The following LRP5 variants were observed in gnomAD, a reference collection of about 807,000 sequenced individuals.
The protein encoded by LRP5 is low-density lipoprotein receptor-related protein 5.
A neutral mutation model predicts 154.1 loss-of-function variants in LRP5; 62 were observed. That is an observed-to-expected ratio of 0.40 (90% CI 0.33 to 0.50). The LOEUF (loss-of-function observed/expected upper bound fraction) is 0.50. Among genes scored for constraint, LRP5 ranks in the 20% least tolerant of loss-of-function variants. LRP5 has a pLI of 0.55. For synonymous variants in LRP5, 966 were observed against 1,011.5 expected (o/e 0.96, Z 0.85); for missense variants, 1,915 against 2,336.7 (o/e 0.82, Z 3.72).
In LRP5 at chr11:68,413,779, T is replaced by C. The variant is rs1165193843; in HGVS notation, c.2594T>C (p.Leu865Pro). 6.2e-7 allele frequency: 1 copy of C among 1,613,210 alleles called. No individual in the cohort carries two copies. The highest frequency in any genetic ancestry group is 8.5e-7 in the Non-Finnish European group (1 of 1,179,544). The change falls in exon 12 of 23, where the codon CTG becomes CCG. Residue 865 changes from leucine to proline, a missense_variant. Coordinates refer to ENST00000294304, the MANE Select transcript of LRP5 (RefSeq NM_002335.4). The surrounding 1 kb of genome is among the most constrained non-coding windows in gnomAD (Gnocchi z 5.1). ...SDYIYWTDWNLHSIERADKTS... is the reference protein window; with the variant it reads ...SDYIYWTDWNPHSIERADKTS... ...TATATCTACTGGACAGACTGGAATC[T>C]GCACAGCATTGAGCGGGCCGACAAG...
intron 21 of LRP5, among the ~76,000 whole-genome samples, chr11:68,443,438 C>G (rs1415211594): frequency 7.4e-6 from 1 of 134,480 alleles, no homozygotes; most frequent in Non-Finnish European, 1.6e-5. Flanking sequence ...TGCAGTGAGC[C>G]GAGATCGCGC....
chr11:68,431,927 C>G (rs568480723), intron 17 of LRP5, among the ~76,000 whole-genome samples: 28 of 152,316 alleles, frequency 1.8e-4, no homozygotes, highest in Admixed American at 5.9e-4. Flanking sequence ...CCTCACGGCT[C>G]GAGAGACGTG....
intron 1 of LRP5, among the ~76,000 whole-genome samples, chr11:68,339,538 G>A (rs2098607679): frequency 6.6e-6 from 1 of 151,970 alleles, no homozygotes; most frequent in Admixed American, 6.6e-5. Context: ...AGTAGAGATG[G>A]GGTTTCACCG....
rs76634040 is a variant in LRP5, at chr11:68,413,379, G to A, written c.2504-310G>A. 5.9e-5 allele frequency among the ~76,000 whole-genome samples: 9 copies of A among 152,324 alleles called. No individual in the cohort carries two copies. The South Asian group carries it at 1.5e-3, about 25-fold the overall frequency. On this transcript the variant is annotated intron_variant, in intron 11 of 22. Transcript: ENST00000294304. This position sits in a 1 kb window ranked among gnomAD's most constrained non-coding sequence, Gnocchi z 5.1. ...ATAACATGGAAGGCCTGGTCTCATT[G>A]CTGTGGGAGTGAAGGATGCACAGCC...
At chr11:68,403,368 T>G in intron 7 of LRP5, 115 bp from the exon 8 acceptor site, 1 of 854,000 alleles carries the variant, frequency 1.2e-6, no homozygotes, top group East Asian at 2.6e-5. Flanking sequence ...AAGTTGCGGC[T>G]CTTGGGCATT....
chr11:68,412,441 G>C (rs1316051673), intron 11 of LRP5, among the ~76,000 whole-genome samples: 1 of 152,072 alleles, frequency 6.6e-6, no homozygotes, highest in Non-Finnish European at 1.5e-5. Context: ...AGGAGTTCAA[G>C]ATCAGCCTGG....
rs759674127 is a variant in LRP5, at chr11:68,416,451, A to G, written c.2951A>G (p.Tyr984Cys). Residue 984 changes from tyrosine to cysteine, a missense_variant, in exon 13 of 23, where the codon TAT (tyrosine) becomes TGT (cysteine). Physicochemically the swap from Tyr to Cys is radical, Grantham distance 194 (BLOSUM62 -2). Transcript: ENST00000294304. ...CTGAGGAACGTCAAAGCCATCGACT[A>G]TGACCCACTGGACAAGTTCATCTAC... ...HGLRNVKAID[Y>C]DPLDKFIYWV... The G allele has an allele frequency of 2.7e-5, 44 of 1,614,086 alleles. No homozygotes were observed. The highest frequency in any genetic ancestry group is 5.0e-5 in the Admixed American group (3 of 60,008).
chr11:68,319,189 G>A (rs745770680), intron 1 of LRP5, among the ~76,000 whole-genome samples: 1 of 150,866 alleles, frequency 6.6e-6, no homozygotes, highest in African/African-American at 2.4e-5. Flanking sequence ...CGATTCTTGT[G>A]CCTCAGTAGC....
At chr11:68,340,240 CAAAATA>C (rs546897692) in intron 1 of LRP5, among the ~76,000 whole-genome samples, 243 of 151,972 alleles carry the variant, frequency 1.6e-3, no homozygotes, top group Admixed American at 5.9e-4. Context: ...AACTCCGTCT[CAAAATA>C]AAAATAAAAA....
intron 2 of LRP5, among the ~76,000 whole-genome samples, chr11:68,355,401 T>C (rs2098622399): frequency 6.6e-6 from 1 of 152,184 alleles, no homozygotes; most frequent in Admixed American, 6.6e-5. Flanking sequence ...GGGAGGAGGC[T>C]CCTCAGAGGA....
intron 1 of LRP5, among the ~76,000 whole-genome samples, chr11:68,313,013 G>T (rs1455182137): frequency 1.4e-5 from 2 of 148,034 alleles, no homozygotes; most frequent in Non-Finnish European, 3.0e-5. Flanking sequence ...GCCCTCCCCG[G>T]GGACGCTGCG....
chr11:68,348,094 C>T lies in LRP5; in HGVS notation c.339C>T (p.Leu113=), dbSNP rs753488677. The T allele has an allele frequency of 4.3e-6, 7 of 1,614,010 alleles. No homozygotes were observed. The highest frequency in any genetic ancestry group is 2.2e-5 in the East Asian group (1 of 44,894). Residue 113 remains leucine, a synonymous_variant, in exon 2 of 23, where the codon CTC becomes CTT. Transcript: ENST00000294304. ...CCGGCCTGGTCTCTCCCGACGGCCT[C>T]GCCTGCGACTGGGTGGGCAAGAAGC... ...VISGLVSPDG[L]ACDWVGKKLY...
chr11:68,448,045 C>T (rs2098682398), intron 22 of LRP5, among the ~76,000 whole-genome samples: 1 of 152,226 alleles, frequency 6.6e-6, no homozygotes, highest in African/African-American at 2.4e-5. Context: ...CACAGTTCCA[C>T]CTGCCTGGGG....
At chr11:68,389,611 T>C (rs949833046) in intron 6 of LRP5, among the ~76,000 whole-genome samples, 2 of 152,212 alleles carry the variant, frequency 1.3e-5, no homozygotes, top group Admixed American at 6.5e-5. Flanking sequence ...GACACCGACA[T>C]TTACCGACAC....
At chr11:68,343,764 G>A (rs1410858013) in intron 1 of LRP5, among the ~76,000 whole-genome samples, 1 of 152,126 alleles carries the variant, frequency 6.6e-6, no homozygotes, top group African/African-American at 2.4e-5. Flanking sequence ...CTTCCGTCTC[G>A]GAAGGCCCCA....
chr11:68,445,070 T>C (rs576035886), intron 21 of LRP5, among the ~76,000 whole-genome samples: 1 of 152,052 alleles, frequency 6.6e-6, no homozygotes, highest in Non-Finnish European at 1.5e-5. Flanking sequence ...CTCGAGCCCA[T>C]TTTATTACTT....
intron 7 of LRP5, among the ~76,000 whole-genome samples, chr11:68,397,478 G>A (rs769903227): frequency 3.3e-5 from 5 of 152,272 alleles, no homozygotes; most frequent in Middle Eastern, 3.4e-3. Context: ...CCTGGAAGCC[G>A]GGGTCACTCC....
intron 5 of LRP5, among the ~76,000 whole-genome samples, chr11:68,378,201 G>T (rs2098638443): frequency 6.6e-6 from 1 of 152,182 alleles, no homozygotes; most frequent in Non-Finnish European, 1.5e-5. Flanking sequence ...CCACATTGGG[G>T]CATGGAGGGT....
intron 13 of LRP5, among the ~76,000 whole-genome samples, chr11:68,422,295 CTT>C (rs1172396650): frequency 6.6e-6 from 1 of 152,218 alleles, no homozygotes; most frequent in Non-Finnish European, 1.5e-5. Context: ...TCTGAAAAGA[CTT>C]ACTATCAGAG....
Sources: allele counts gnomAD v4.1 joint callset (sites outside exome capture counted in the v4.1 genomes callset), GRCh38; gene constraint gnomAD v4.1.1; non-coding constraint Gnocchi (gnomAD v3.1); transcripts MANE v1.5; gene names NCBI Gene and HGNC (gene_info 2026-07-23, HGNC 2026-07-21).